The following RBFOX1 variants were observed in gnomAD, a reference collection of about 807,000 sequenced individuals.
RBFOX1 encodes RNA binding fox-1 homolog 1.
RBFOX1 carries 8 observed loss-of-function variants against 57.7 expected under a neutral mutation model. The observed-to-expected ratio is 0.14, with a 90% CI of 0.08 to 0.25. The LOEUF is 0.25. Among genes scored for constraint, RBFOX1 ranks in the 10% least tolerant of loss-of-function variants. The probability of loss-of-function intolerance (pLI) is 1.00; values close to 1 mark genes in which losing one functional copy is unlikely to be tolerated. For missense variants in RBFOX1, 611 were observed against 548.5 expected (o/e 1.11, Z -1.14); for synonymous variants, 326 against 222.4 (o/e 1.47, Z -4.15).
intron 3 of RBFOX1, among the ~76,000 whole-genome samples, chr16:6,840,111 C>A (rs911588843): frequency 6.6e-6 from 1 of 152,134 alleles, no homozygotes; most frequent in Non-Finnish European, 1.5e-5. Flanking sequence ...AATTGACTTG[C>A]TTGCTTCTTG....
chr16:5,529,541 C>T lies in RBFOX1; in HGVS notation c.258+62287C>T, dbSNP rs562546958. Among the ~76,000 whole-genome samples, 73 of 150,818 alleles carry T rather than the reference C, an allele frequency of 4.8e-4. 1 individual carries two copies. Among genetic ancestry groups the T allele is most frequent in the Non-Finnish European group, 6.9e-4 (47 of 67,762 alleles). ...CCTCCCATGTAGCTGGGACTACAGG[C>T]GTGCACCACCATGCTTGGCTCATTT... On this transcript the variant is annotated intron_variant, in intron 2 of 2. Transcript: ENST00000585867.
intron 4 of RBFOX1, among the ~76,000 whole-genome samples, chr16:7,438,879 A>G (rs2098743241): frequency 1.3e-5 from 2 of 152,272 alleles, no homozygotes; most frequent in East Asian, 3.9e-4. Context: ...TGGCTGAGTG[A>G]TCTATACTGC....
At chr16:6,637,903 G>A (rs73542198) in intron 2 of RBFOX1, among the ~76,000 whole-genome samples, 2 of 152,042 alleles carry the variant, frequency 1.3e-5, no homozygotes, top group Non-Finnish European at 2.9e-5. Flanking sequence ...ACATTTTACA[G>A]GGATTTTACC....
intron 1 of RBFOX1, among the ~76,000 whole-genome samples, chr16:6,182,168 C>A (rs77787295): frequency 6.6e-6 from 1 of 152,088 alleles, no homozygotes; most frequent in Admixed American, 6.5e-5. Flanking sequence ...TAAGCTTATT[C>A]TCTGGGAAAG....
At chr16:6,821,219 A>C (rs571327723) in intron 3 of RBFOX1, among the ~76,000 whole-genome samples, 2 of 152,220 alleles carry the variant, frequency 1.3e-5, no homozygotes, top group East Asian at 1.9e-4. Context: ...CATGGCCTCT[A>C]CCCTTGTAGC....
chr16:7,209,360 C>A (rs1207274484), intron 4 of RBFOX1, among the ~76,000 whole-genome samples: 6 of 152,058 alleles, frequency 3.9e-5, no homozygotes, highest in Admixed American at 1.3e-4. Context: ...ATAACAAGAT[C>A]TCCTTTTCTT....
rs111531961 is a variant in RBFOX1 at position 7,330,518 on chromosome 16, G to T, written c.28-187629G>T. ...TGTGTGTGTGTGTGTGTTTGTGTGT[G>T]TGTGTGTAGAGAGAGAGAGAGAGAG... On this transcript the variant is annotated intron_variant, in intron 4 of 15. Coordinates refer to ENST00000550418, the MANE Select transcript of RBFOX1 (RefSeq NM_018723.4). Among the ~76,000 whole-genome samples, 509 of 133,398 alleles carry T rather than the reference G, an allele frequency of 3.8e-3. 5 individuals are homozygous for T. The highest frequency in any genetic ancestry group is 0.014 in the African/African-American group (478 of 33,118). 87.5% of individuals were successfully genotyped at this position (133,398 alleles called of 152,430 possible).
chr16:6,842,155 A>AAAAAT (rs1555519990), intron 3 of RBFOX1, among the ~76,000 whole-genome samples: 3 of 148,036 alleles, frequency 2.0e-5, no homozygotes, highest in African/African-American at 7.6e-5. Flanking sequence ...AAAAAAATAA[A>AAAAAT]AAATAAATAA....
intron 1 of RBFOX1, among the ~76,000 whole-genome samples, chr16:6,259,593 G>C (rs1300498514): frequency 6.6e-6 from 1 of 152,114 alleles, no homozygotes. Context: ...GGGTGGCCCA[G>C]TAGCGACGAA....
chr16:7,103,859 A>G (rs1198184995), intron 4 of RBFOX1, among the ~76,000 whole-genome samples: 1 of 152,170 alleles, frequency 6.6e-6, no homozygotes, highest in Non-Finnish European at 1.5e-5. Context: ...ACTATTACCT[A>G]GTGATACCAT....
chr16:5,470,795 G>T (rs952395606), intron 2 of RBFOX1, among the ~76,000 whole-genome samples: 24 of 152,090 alleles, frequency 1.6e-4, no homozygotes, highest in Admixed American at 1.3e-3. Flanking sequence ...GCATCTAGAG[G>T]CTTCTCCAGG....
At chr16:7,188,734 C>G (rs563475219) in intron 4 of RBFOX1, among the ~76,000 whole-genome samples, 4 of 152,292 alleles carry the variant, frequency 2.6e-5, no homozygotes, top group African/African-American at 4.8e-5. Flanking sequence ...TTTGGAGATT[C>G]AGATACAGAT....
intron 2 of RBFOX1, among the ~76,000 whole-genome samples, chr16:6,348,707 C>G (rs2085784623): frequency 6.6e-6 from 1 of 152,114 alleles, no homozygotes; most frequent in African/African-American, 2.4e-5. Context: ...TTCTTTTAAA[C>G]AACCGGATGT....
intron 14 of RBFOX1, among the ~76,000 whole-genome samples, chr16:7,690,370 G>T (rs186849788): frequency 2.0e-5 from 3 of 152,204 alleles, no homozygotes; most frequent in South Asian, 2.1e-4. Context: ...CAGTTTCAGA[G>T]GTTACCATTT....
intron 2 of RBFOX1, among the ~76,000 whole-genome samples, chr16:5,483,366 C>T (rs773583332): frequency 6.6e-6 from 1 of 152,236 alleles, no homozygotes. Context: ...GACTGCTGCT[C>T]TTTCCCACGC....
chr16:7,316,008 C>T (rs976926370), intron 4 of RBFOX1, among the ~76,000 whole-genome samples: 1 of 152,150 alleles, frequency 6.6e-6, no homozygotes, highest in African/African-American at 2.4e-5. Context: ...GGGATTTGTG[C>T]AAATCTGGTG....
chr16:6,365,958 C>T (rs1478901038), intron 2 of RBFOX1, among the ~76,000 whole-genome samples: 1 of 151,706 alleles, frequency 6.6e-6, no homozygotes, highest in Non-Finnish European at 1.5e-5. Flanking sequence ...CTTGTTTTTA[C>T]TTTCCCCTCC....
rs561759592 is a variant in RBFOX1, at chr16:6,540,809, G to A, written c.-63-113794G>A. Reference sequence around the variant, plus strand: ...AAGACTGGCTTATCTTACTCTAGCTGTACTTTTTTTTGCTAGTGAAACTAC... The same window carrying A: ...AAGACTGGCTTATCTTACTCTAGCTATACTTTTTTTTGCTAGTGAAACTAC... On this transcript the variant is annotated intron_variant, in intron 2 of 15. Coordinates refer to ENST00000550418, the MANE Select transcript of RBFOX1 (RefSeq NM_018723.4). Among the ~76,000 whole-genome samples, 62 of 152,090 alleles carry A rather than the reference G, an allele frequency of 4.1e-4. No individual in the cohort carries two copies. The South Asian group carries it at 0.013, about 31-fold the overall frequency.
At chr16:7,618,266 C>G (rs973956261) in intron 10 of RBFOX1, among the ~76,000 whole-genome samples, 3 of 152,058 alleles carry the variant, frequency 2.0e-5, no homozygotes, top group Admixed American at 6.6e-5. Context: ...AGGAAGACAC[C>G]TGTTGGTGAG....
Sources: allele counts gnomAD v4.1 joint callset (sites outside exome capture counted in the v4.1 genomes callset), GRCh38; gene constraint gnomAD v4.1.1; transcripts MANE v1.5; gene names NCBI Gene and HGNC (gene_info 2026-07-23, HGNC 2026-07-21).